The following CATSPERT variants were observed in gnomAD, a reference collection of about 807,000 sequenced individuals.
CATSPERT encodes the protein cation channel sperm-associated targeting subunit tau.
At chr2:201,575,622 T>A in the CATSPERT span, among the ~76,000 whole-genome samples, 3 of 152,196 alleles carry the variant, frequency 2.0e-5, no homozygotes, top group South Asian at 4.1e-4. Context: ...ATGCAAGGGA[T>A]CTAGGTTGCA....
At chr2:201,507,955 T>C in the CATSPERT span, among the ~76,000 whole-genome samples, 1 of 152,012 alleles carries the variant, frequency 6.6e-6, no homozygotes, top group Non-Finnish European at 1.5e-5. Flanking sequence ...AAGGGGGAAG[T>C]CCACCGCCAT....
At chr2:201,615,110 G>A in the CATSPERT span, among the ~76,000 whole-genome samples, 1 of 152,140 alleles carries the variant, frequency 6.6e-6, no homozygotes, top group Non-Finnish European at 1.5e-5. Context: ...AATAATGGGA[G>A]CCTTTAACAC....
At chr2:201,608,816 C>CAA in the CATSPERT span, among the ~76,000 whole-genome samples, 3 of 70,816 alleles carry the variant, frequency 4.2e-5, no homozygotes, top group East Asian at 3.9e-4. Flanking sequence ...GATCCTGTCT[C>CAA]AAAAAAAAAA....
the CATSPERT span, among the ~76,000 whole-genome samples, chr2:201,615,022 T>C: frequency 6.6e-6 from 1 of 152,210 alleles, no homozygotes; most frequent in African/African-American, 2.4e-5. Context: ...TAAATATGTA[T>C]GCACCCAATA....
chr2:201,569,087 C>T, the CATSPERT span, among the ~76,000 whole-genome samples: 1 of 152,126 alleles, frequency 6.6e-6, no homozygotes, highest in South Asian at 2.1e-4. Context: ...TTCCCTTCTC[C>T]CCAGTGCACA....
chr2:201,605,676 G>T, the CATSPERT span, among the ~76,000 whole-genome samples: 8 of 152,144 alleles, frequency 5.3e-5, no homozygotes, highest in African/African-American at 1.9e-4. Flanking sequence ...AGAAAATGGG[G>T]AGAAATCTTC....
At chr2:201,532,520 T>G in the CATSPERT span, among the ~76,000 whole-genome samples, 22 of 152,258 alleles carry the variant, frequency 1.4e-4, no homozygotes, top group Non-Finnish European at 1.5e-5. Context: ...AGCCCCAAGA[T>G]GTGGAAGTTA....
At chr2:201,577,301 A>G in the CATSPERT span, among the ~76,000 whole-genome samples, 4 of 152,190 alleles carry the variant, frequency 2.6e-5, no homozygotes, top group Non-Finnish European at 5.9e-5. Context: ...TTTTCAGATA[A>G]GTGATATTTA....
the CATSPERT span, among the ~76,000 whole-genome samples, chr2:201,591,759 A>G: frequency 2.6e-5 from 4 of 151,862 alleles, no homozygotes; most frequent in African/African-American, 9.7e-5. Flanking sequence ...TGTGAATGGG[A>G]GTTCACTCAT....
the CATSPERT span, among the ~76,000 whole-genome samples, chr2:201,552,686 G>C: frequency 6.6e-6 from 1 of 152,150 alleles, no homozygotes; most frequent in Non-Finnish European, 1.5e-5. Context: ...CATGGGTAGG[G>C]GGTGGCAACC....
the CATSPERT span, among the ~76,000 whole-genome samples, chr2:201,526,058 T>A: frequency 1.3e-5 from 2 of 152,136 alleles, no homozygotes; most frequent in Non-Finnish European, 2.9e-5. Flanking sequence ...TTGTACCAAT[T>A]CTACTGAAAC....
the CATSPERT span, chr2:201,492,205 T>C: frequency 6.6e-7 from 1 of 1,521,078 alleles, no homozygotes; most frequent in Non-Finnish European, 8.8e-7. Context: ...TTCTGAATGC[T>C]TCTCCACAAA....
At chr2:201,529,619 G>A in the CATSPERT span, among the ~76,000 whole-genome samples, 1 of 152,126 alleles carries the variant, frequency 6.6e-6, no homozygotes, top group East Asian at 1.9e-4. Context: ...AGACTTATAT[G>A]TAAGATGTGG....
chr2:201,545,111 C>G, the CATSPERT span, among the ~76,000 whole-genome samples: 1 of 152,102 alleles, frequency 6.6e-6, no homozygotes, highest in Non-Finnish European at 1.5e-5. Flanking sequence ...GATCTCGGCT[C>G]ACTGCAACCT....
chr2:201,552,221 G>GA, the CATSPERT span, among the ~76,000 whole-genome samples: 149,183 of 152,190 alleles, frequency 0.98, 73,175 homozygotes, highest in East Asian at 1. Context: ...AGAACTCAGG[G>GA]ATCCTCTCCT....
At chr2:201,601,407 G>C in the CATSPERT span, among the ~76,000 whole-genome samples, 1 of 151,766 alleles carries the variant, frequency 6.6e-6, no homozygotes, top group Non-Finnish European at 1.5e-5. Context: ...TGGGAAAGGA[G>C]ATGGGAAAAA....
chr2:201,580,480 CTG>C, the CATSPERT span, among the ~76,000 whole-genome samples: 1 of 152,130 alleles, frequency 6.6e-6, no homozygotes. Context: ...CATTCATAAA[CTG>C]GTATTCTTTT....
the CATSPERT span, chr2:201,556,984 C>T: frequency 7.9e-5 from 12 of 152,044 alleles, no homozygotes; most frequent in African/African-American, 2.9e-4. Context: ...ATTTCATACC[C>T]TCACTATGTA....
the CATSPERT span, among the ~76,000 whole-genome samples, chr2:201,513,647 C>G: frequency 6.6e-6 from 1 of 152,140 alleles, no homozygotes; most frequent in Non-Finnish European, 1.5e-5. Flanking sequence ...CATTGCAGCA[C>G]CATTCACAAT....
Sources: gnomAD v4.1 joint callset for allele counts (sites outside exome capture counted in the v4.1 genomes callset) on GRCh38, gnomAD v4.1.1 for gene constraint, MANE v1.5 for transcripts, NCBI Gene and HGNC (gene_info 2026-07-23, HGNC 2026-07-21) for gene names.